Variants in C11orf68 observed in about 807,000 individuals in gnomAD.
C11orf68 encodes the protein chromosome 11 open reading frame 68.
A neutral mutation model predicts 4.7 loss-of-function variants in C11orf68; 3 were observed. The ratio of observed to expected loss-of-function variants is 0.64; its 90% CI spans 0.29 to 1.66. C11orf68 has a LOEUF of 1.66. Ranked by LOEUF, C11orf68 falls within the 40% of genes most tolerant of loss-of-function variation. The probability of loss-of-function intolerance (pLI) is 0.10; values close to 1 mark genes in which losing one functional copy is unlikely to be tolerated. For synonymous variants in C11orf68, 186 were observed against 167.8 expected (o/e 1.11, Z -0.84); for missense variants, 422 against 408.0 (o/e 1.03, Z -0.30).
chr11:65,917,424 A>C lies in C11orf68; in HGVS notation c.*35T>G. The C allele has an allele frequency of 6.4e-7, 1 of 1,569,294 alleles. No individual in the cohort carries two copies. Among genetic ancestry groups the C allele is most frequent in the Non-Finnish European group, 8.6e-7 (1 of 1,156,324 alleles). On this transcript the variant is annotated 3_prime_UTR_variant, in exon 2 of 2. Coordinates refer to ENST00000438576, the MANE Select transcript of C11orf68 (RefSeq NM_001135635.2). ...ACAGGAGGATCCAACCCCAGCATGG[A>C]GGGGGGAGTGGGCAGTCTCCCCAAT... is the stretch of plus-strand genomic sequence containing the variant.
Position 65,918,083 on chromosome 11 carries a change from T to C in C11orf68, c.258A>G (p.Thr86=), listed in dbSNP as rs1854485557. The part of the protein sequence containing the change: ...MDPWLVFDAR[T]TPATELDAWL... ...AGGCATCCAGCTCAGTGGCAGGCGTTGTGCGGGCATCAAACACTAGCCAGG... is the reference window on the plus strand; with the variant it reads ...AGGCATCCAGCTCAGTGGCAGGCGTCGTGCGGGCATCAAACACTAGCCAGG... The change falls in exon 2 of 2, where the codon ACA becomes ACG. Residue 86 remains threonine, a synonymous_variant. Coordinates refer to ENST00000438576, the MANE Select transcript of C11orf68 (RefSeq NM_001135635.2). 1 of 1,611,172 alleles carries C rather than the reference T, an allele frequency of 6.2e-7. No individual in the cohort carries two copies. The highest frequency in any genetic ancestry group is 2.2e-5 in the East Asian group (1 of 44,876).
rs778946994 is a variant in C11orf68 at position 65,918,137 on chromosome 11, A to G, written c.204T>C (p.Ala68=). ...REDGFTAEHL[A]AEAMAADMDP... ...CCATGTCAGCTGCCATGGCCTCTGCAGCCAGGTGCTCGGCGGTGAAGCCAT... is the reference window on the plus strand; with the variant it reads ...CCATGTCAGCTGCCATGGCCTCTGCGGCCAGGTGCTCGGCGGTGAAGCCAT... The change falls in exon 2 of 2, where the codon GCT becomes GCC. Residue 68 remains alanine, a synonymous_variant. Coordinates refer to ENST00000438576, the MANE Select transcript of C11orf68 (RefSeq NM_001135635.2). 6.3e-7 allele frequency: 1 copy of G among 1,592,780 alleles called. No individual in the cohort carries two copies. Among genetic ancestry groups the G allele is most frequent in the South Asian group, 1.1e-5 (1 of 88,104 alleles).
At chr11:65,918,816 C>T in intron 1 of C11orf68, 94 bp downstream of exon 1, 2 of 1,051,626 alleles carry the variant, frequency 1.9e-6, no homozygotes, top group East Asian at 8.0e-5. Flanking sequence ...GAGCCAGGCT[C>T]CGGCCGTGCC....
At chr11:65,918,570 G>GC (rs1007906230) in intron 1 of C11orf68, among the ~76,000 whole-genome samples, 13 of 152,246 alleles carry the variant, frequency 8.5e-5, no homozygotes, top group African/African-American at 2.9e-4. Context: ...TCCCGGCCCT[G>GC]CCAAGGCCCC....
chr11:65,917,701 T>TGACCTG lies in C11orf68; in HGVS notation c.634_639dup (p.Gln212_Val213dup). The TGACCTG allele has an allele frequency of 6.2e-7, 1 of 1,613,922 alleles. No individual in the cohort carries two copies. Among genetic ancestry groups the TGACCTG allele is most frequent in the Non-Finnish European group, 8.5e-7 (1 of 1,180,026 alleles). On this transcript the variant is annotated inframe_insertion, in exon 2 of 2. Coordinates refer to ENST00000438576, the MANE Select transcript of C11orf68 (RefSeq NM_001135635.2). Reference sequence around the variant, plus strand: ...GTGAAGTCGTCCGTGTAAACACAGATGACCTGGCGCCCACCCTCCTTGGCA... The same window carrying TGACCTG: ...GTGAAGTCGTCCGTGTAAACACAGATGACCTGGACCTGGCGCCCACCCTCCTTGGCA...
At chr11:65,918,638 A>G (rs1279689441) in intron 1 of C11orf68, among the ~76,000 whole-genome samples, 1 of 152,060 alleles carries the variant, frequency 6.6e-6, no homozygotes, top group East Asian at 1.9e-4. Context: ...AAAGAAGCGC[A>G]CGTTCGCGCA....
rs1001663632 is a variant in C11orf68, at chr11:65,917,485, G to A, written c.856C>T (p.Arg286Cys). Residue 286 changes from arginine to cysteine, a missense_variant, in exon 2 of 2, where the codon CGT (arginine) becomes TGT (cysteine). Physicochemically the swap from Arg to Cys is radical, Grantham distance 180. Transcript: ENST00000438576. ...GSARGSRVLDRANNVELT is the reference protein window; with the variant it reads ...GSARGSRVLDCANNVELT ...TAGGTCAGTTCCACGTTGTTGGCACGGTCAAGCACTCGGGAGCCACGGGCA... is the reference window on the plus strand; with the variant it reads ...TAGGTCAGTTCCACGTTGTTGGCACAGTCAAGCACTCGGGAGCCACGGGCA... The A allele has an allele frequency of 6.2e-7, 1 of 1,612,784 alleles. No homozygotes were observed. Among genetic ancestry groups the A allele is most frequent in the South Asian group, 1.1e-5 (1 of 90,974 alleles).
chr11:65,918,836 G>A (rs1854500109), intron 1 of C11orf68, 74 bp downstream of exon 1: 4 of 1,092,376 alleles, frequency 3.7e-6, no homozygotes, highest in Non-Finnish European at 4.5e-6. Context: ...CGCGCCCGCC[G>A]CCATTAACGC....
At position 65,917,643 on chromosome 11, in the gene C11orf68, G is replaced by A. The variant is rs1854476280; in HGVS notation, c.698C>T (p.Ala233Val). 3 of 1,613,910 alleles carry A rather than the reference G, an allele frequency of 1.9e-6. No homozygotes were observed. Among genetic ancestry groups the A allele is most frequent in the African/African-American group, 1.3e-5 (1 of 74,924 alleles). The change falls in exon 2 of 2, where the codon GCC becomes GTC. Residue 233 changes from alanine to valine, a missense_variant. By Grantham distance (64) the Ala-to-Val change is moderately conservative. Coordinates refer to ENST00000438576, the MANE Select transcript of C11orf68 (RefSeq NM_001135635.2). Reference protein sequence around the residue: ...DRLGVLEADSAIRAAGIKCLL... With the variant: ...DRLGVLEADSVIRAAGIKCLL... ...GCACTTAATGCCCGCTGCACGGATGGCTGAATCCGCCTCCAGTACACCCAA... is the reference window on the plus strand; with the variant it reads ...GCACTTAATGCCCGCTGCACGGATGACTGAATCCGCCTCCAGTACACCCAA...
Position 65,917,274 on chromosome 11 carries a change from G to C in C11orf68, c.*185C>G, listed in dbSNP as rs12289280. ...TCAGGGAACCGGAGCCCCCCAGCCT[G>C]TGGGGCTTGTGTCAGCCCTGAACAG... On this transcript the variant is annotated 3_prime_UTR_variant, in exon 2 of 2. Transcript: ENST00000438576. 0.014 allele frequency: 9,906 copies of C among 730,698 alleles called. 138 individuals carry two copies. Among genetic ancestry groups the C allele is most frequent in the African/African-American group, 0.049 (2,806 of 56,814 alleles). 45.3% of individuals were successfully genotyped at this position (730,698 alleles called of 1,614,324 possible). A position where few individuals can be genotyped will look rare whatever the true frequency, so the allele number is the denominator to read the frequency against.
In C11orf68 at chr11:65,917,404, A is replaced by C; in HGVS notation, c.*55T>G. 6.4e-7 allele frequency: 1 copy of C among 1,552,174 alleles called. No homozygotes were observed. Among genetic ancestry groups the C allele is most frequent in the Non-Finnish European group, 8.7e-7 (1 of 1,148,534 alleles). ...TTCATAGGACAAGGAGGAAGACAGG[A>C]GGATCCAACCCCAGCATGGAGGGGG... On this transcript the variant is annotated 3_prime_UTR_variant, in exon 2 of 2. Transcript: ENST00000438576.
Position 65,918,054 on chromosome 11 carries a change from A to T in C11orf68, c.287T>A (p.Leu96Gln). 1 of 1,609,798 alleles carries T rather than the reference A, an allele frequency of 6.2e-7. No homozygotes were observed. The highest frequency in any genetic ancestry group is 8.5e-7 in the Non-Finnish European group (1 of 1,177,966). ...AACTTGGGATGGTGGGTACTTGGCC[A>T]GCCAGGCATCCAGCTCAGTGGCAGG... ...TTPATELDAWLAKYPPSQVTR... is the reference protein window; with the variant it reads ...TTPATELDAWQAKYPPSQVTR... The change falls in exon 2 of 2, where the codon CTG (leucine) becomes CAG (glutamine). Residue 96 changes from leucine to glutamine, a missense_variant. Coordinates refer to ENST00000438576, the MANE Select transcript of C11orf68 (RefSeq NM_001135635.2).
rs924182571 is a variant in C11orf68 at position 65,918,976 on chromosome 11, GCGCCACCGCCACCGCGCCCCACCCC to G, written c.31_55del (p.Gly11ArgfsTer62). 8.4e-7 allele frequency: 1 copy of G among 1,184,242 alleles called. No individual in the cohort carries two copies. Among genetic ancestry groups the G allele is most frequent in the African/African-American group, 1.6e-5 (1 of 61,646 alleles). The allele number at this position is 1,184,242 out of a possible 1,614,324, so 73.4% of individuals were successfully genotyped here. A position where few individuals can be genotyped will look rare whatever the true frequency, so the allele number is the denominator to read the frequency against. ...CCGGCTCCGCTCCTGCCGTGGCTCC[GCGCCACCGCCACCGCGCCCCACCCC>G]CGCCACGGCCGCCGCCGCCGCCGCC... On this transcript the variant is annotated frameshift_variant, in exon 1 of 2. Coordinates refer to ENST00000438576, the MANE Select transcript of C11orf68 (RefSeq NM_001135635.2). LOFTEE classifies it high-confidence loss of function.
Position 65,917,720 on chromosome 11 carries a change from C to G in C11orf68, c.621G>C (p.Lys207Asn). 6.2e-7 allele frequency: 1 copy of G among 1,613,830 alleles called. No homozygotes were observed. Among genetic ancestry groups the G allele is most frequent in the Non-Finnish European group, 8.5e-7 (1 of 1,180,036 alleles). ...LQVAKVSPRA[K>N]EGGRQVICVY... ...CACAGATGACCTGGCGCCCACCCTC[C>G]TTGGCACGTGGGCTCACCTTGGCCA... The change falls in exon 2 of 2, where the codon AAG becomes AAC. Residue 207 changes from lysine (K) to asparagine (N), a missense_variant. Physicochemically the swap from Lys to Asn is moderately conservative, Grantham distance 94. Transcript: ENST00000438576.
rs1178941690 is a variant in C11orf68, at chr11:65,917,758, C to T, written c.583G>A (p.Gly195Ser). Residue 195 changes from glycine (G) to serine (S), a missense_variant, in exon 2 of 2, where the codon GGC (glycine) becomes AGC (serine). Gly to Ser is a moderately conservative substitution (Grantham distance 56). Coordinates refer to ENST00000438576, the MANE Select transcript of C11orf68 (RefSeq NM_001135635.2). The part of the protein sequence containing the change: ...WAGIARAVVE[G>S]QLQVAKVSPR... ...CTCACCTTGGCCACCTGAAGCTGGC[C>T]TTCAACCACGGCCCGGGCAATGCCA... 7 of 1,613,002 alleles carry T rather than the reference C, an allele frequency of 4.3e-6. No homozygotes were observed. Among genetic ancestry groups the T allele is most frequent in the Non-Finnish European group, 5.9e-6 (7 of 1,179,960 alleles).
At chr11:65,918,296 A>T (rs73496435) in intron 1 of C11orf68, 78 bp from the exon 2 acceptor site, 1 of 1,417,152 alleles carries the variant, frequency 7.1e-7, no homozygotes, top group East Asian at 2.5e-5. Flanking sequence ...TGTGGCCTTG[A>T]GTAAGAGTTA....
At chr11:65,918,339 A>T in intron 1 of C11orf68, 121 bp from the exon 2 acceptor site, 1 of 1,182,068 alleles carries the variant, frequency 8.5e-7, no homozygotes, top group Non-Finnish European at 1.1e-6. Context: ...TCATCTTTAC[A>T]ATGGGATAAC....
chr11:65,918,238 G>A lies in C11orf68; in HGVS notation c.123-20C>T, dbSNP rs1382501366. 1.1e-5 allele frequency: 17 copies of A among 1,502,612 alleles called. No individual in the cohort carries two copies. Among genetic ancestry groups the A allele is most frequent in the Admixed American group, 4.6e-5 (2 of 43,070 alleles). The allele number at this position is 1,502,612 out of a possible 1,614,324, so 93.1% of individuals were successfully genotyped here. A position where few individuals can be genotyped will look rare whatever the true frequency, so the allele number is the denominator to read the frequency against. ...ATCCTGCTGTGAGGGAACCGAGTCA[G>A]GGCAGGGTCTGAGACAATAACTACA... On this transcript the variant is annotated intron_variant, in intron 1 of 1. Coordinates refer to ENST00000438576, the MANE Select transcript of C11orf68 (RefSeq NM_001135635.2).
Position 65,917,253 on chromosome 11 carries a change from G to T in C11orf68, c.*206C>A. On this transcript the variant is annotated 3_prime_UTR_variant, in exon 2 of 2. Coordinates refer to ENST00000438576, the MANE Select transcript of C11orf68 (RefSeq NM_001135635.2). ...GGGAGGCTGAAGGCTCATCCCTCAG[G>T]GAACCGGAGCCCCCCAGCCTGTGGG... 1 of 623,296 alleles carries T rather than the reference G, an allele frequency of 1.6e-6. No homozygotes were observed. Among genetic ancestry groups the T allele is most frequent in the African/African-American group, 1.8e-5 (1 of 54,780 alleles). 38.6% of individuals were successfully genotyped at this position (623,296 alleles called of 1,614,324 possible). A position where few individuals can be genotyped will look rare whatever the true frequency, so the allele number is the denominator to read the frequency against.
Sources: allele counts gnomAD v4.1 joint callset (sites outside exome capture counted in the v4.1 genomes callset), GRCh38; gene constraint gnomAD v4.1.1; transcripts MANE v1.5; gene names NCBI Gene and HGNC (gene_info 2026-07-23, HGNC 2026-07-21).